Variants in AXDND1 observed in about 807,000 individuals in gnomAD.
AXDND1 encodes axonemal dynein light chain domain-containing protein 1.
In AXDND1, 110 loss-of-function variants were observed where a neutral mutation model predicts 137.5. The ratio of observed to expected loss-of-function variants is 0.80; its 90% CI spans 0.69 to 0.94. The LOEUF is 0.94. Ranked by LOEUF, AXDND1 falls within the 40% of genes least tolerant of loss-of-function variation. AXDND1 has a pLI of 0.00. For missense variants in AXDND1, 1,191 were observed against 1,169.8 expected, an observed-to-expected ratio of 1.02 and a Z score of -0.26; for synonymous variants, 414 against 399.7, an observed-to-expected ratio of 1.04 and a Z score of -0.43.
chr1:179,444,235 A>G (rs979928830), intron 15 of AXDND1, among the ~76,000 whole-genome samples: 5 of 152,080 alleles, frequency 3.3e-5, no homozygotes, highest in African/African-American at 1.2e-4. Flanking sequence ...TGGCTGCCCT[A>G]TGATGCAAGT....
At chr1:179,509,197 A>G (rs1668796512) in intron 20 of AXDND1, 99 bp from the exon 21 acceptor site, 1 of 709,106 alleles carries the variant, frequency 1.4e-6, no homozygotes. Context: ...TTAATTGAAT[A>G]TAGTTATGTT....
rs969736736 is a variant in AXDND1 at position 179,430,608 on chromosome 1, T to C, written c.1487+2T>C. 1 of 1,605,282 alleles carries C rather than the reference T, an allele frequency of 6.2e-7. No homozygotes were observed. The highest frequency in any genetic ancestry group is 8.5e-7 in the Non-Finnish European group (1 of 1,177,532). On this transcript the variant is annotated splice_donor_variant, in intron 14 of 25. Coordinates refer to ENST00000367618, the MANE Select transcript of AXDND1 (RefSeq NM_144696.6). LOFTEE classifies it high-confidence loss of function. ...TATCAAATGGCAGGAGTTCTTCAAG[T>C]GAGTCACCAAGAATCTTGTTTTTCT...
intron 25 of AXDND1, chr1:179,544,946 G>A (rs1285227688): frequency 1.3e-5 from 2 of 152,168 alleles, no homozygotes; most frequent in African/African-American, 4.8e-5. Flanking sequence ...AATAGTGAAG[G>A]GCCACCAGGC....
intron 20 of AXDND1, among the ~76,000 whole-genome samples, chr1:179,502,561 C>CAAAA (rs1269918038): frequency 2.1e-5 from 1 of 46,972 alleles, no homozygotes; most frequent in African/African-American, 9.4e-5. Context: ...AAAACTCTGT[C>CAAAA]TAAAAAAAAA....
At chr1:179,479,634 G>A (rs555956857) in intron 17 of AXDND1, among the ~76,000 whole-genome samples, 1 of 152,068 alleles carries the variant, frequency 6.6e-6, no homozygotes, top group South Asian at 2.1e-4. Flanking sequence ...AAAATTAGCT[G>A]GGCATGGTGG....
intron 11 of AXDND1, among the ~76,000 whole-genome samples, chr1:179,408,207 T>C (rs981537623): frequency 7.6e-4 from 116 of 152,166 alleles, no homozygotes; most frequent in Non-Finnish European, 2.9e-5. Context: ...GTGTGTCTTG[T>C]ATCTCACTGG....
intron 18 of AXDND1, among the ~76,000 whole-genome samples, chr1:179,483,697 G>T (rs1665697664): frequency 6.6e-6 from 1 of 152,138 alleles, no homozygotes; most frequent in Admixed American, 6.5e-5. Flanking sequence ...TGCTCAATTT[G>T]TTATTTTCTA....
In AXDND1 at chr1:179,519,610, A is replaced by G. The variant is rs1012726756; in HGVS notation, c.2497-5724A>G. Among the ~76,000 whole-genome samples, 3 of 152,282 alleles carry G rather than the reference A, an allele frequency of 2.0e-5. No homozygotes were observed. The East Asian group carries it at 5.8e-4, about 29-fold the overall frequency. ...CAGTTTCAGTTTTCTCCATATGGCTATCCAGTTATCCCAGCACCATTTACT... is the reference window on the plus strand; with the variant it reads ...CAGTTTCAGTTTTCTCCATATGGCTGTCCAGTTATCCCAGCACCATTTACT... On this transcript the variant is annotated intron_variant, in intron 21 of 25. Transcript: ENST00000367618.
intron 11 of AXDND1, among the ~76,000 whole-genome samples, chr1:179,405,274 G>A (rs1034086711): frequency 2.0e-5 from 3 of 152,148 alleles, no homozygotes; most frequent in African/African-American, 7.2e-5. Context: ...TGGCTGCATA[G>A]TATTCCATGG....
intron 19 of AXDND1, among the ~76,000 whole-genome samples, chr1:179,492,418 C>A (rs1342112986): frequency 7.0e-6 from 1 of 143,394 alleles, no homozygotes; most frequent in African/African-American, 2.6e-5. Flanking sequence ...CCAACCAAAA[C>A]TTCTTTTTAC....
chr1:179,479,759 G>A (rs933101122), intron 17 of AXDND1, among the ~76,000 whole-genome samples: 5 of 151,624 alleles, frequency 3.3e-5, no homozygotes, highest in African/African-American at 9.7e-5. Flanking sequence ...CCTGGGCGAC[G>A]GAGTGAGACT....
intron 25 of AXDND1, among the ~76,000 whole-genome samples, chr1:179,537,298 C>T (rs1400260262): frequency 6.6e-6 from 1 of 151,954 alleles, no homozygotes; most frequent in Non-Finnish European, 1.5e-5. Context: ...GGGAATGCTT[C>T]CAGTTTTTGC....
Position 179,491,684 on chromosome 1 carries a change from A to G in AXDND1, c.2238A>G (p.Leu746=), listed in dbSNP as rs1300349321. 3.7e-6 allele frequency: 6 copies of G among 1,607,296 alleles called. No homozygotes were observed. In the South Asian group the frequency reaches 5.6e-5, roughly 15 times the overall value. Residue 746 remains leucine (L), a synonymous_variant, in exon 19 of 26, where the codon CTA becomes CTG. Transcript: ENST00000367618. ...KHDIGVARLE[L]DAIELTRKLY... ...ATATAGGAGTTGCGCGATTGGAGCT[A>G]GATGCGATTGAACTGACAAGGAAGT...
chr1:179,397,012 G>T (rs1435324862), intron 11 of AXDND1, among the ~76,000 whole-genome samples: 1 of 152,248 alleles, frequency 6.6e-6, no homozygotes, highest in Admixed American at 6.5e-5. Context: ...GATATATATA[G>T]ATTTGATCCT....
chr1:179,485,937 G>A (rs1017886427), intron 18 of AXDND1, among the ~76,000 whole-genome samples: 3 of 151,910 alleles, frequency 2.0e-5, no homozygotes, highest in Non-Finnish European at 4.4e-5. Flanking sequence ...GGCCAACATA[G>A]TGAAACCCCA....
chr1:179,409,000 A>C (rs1391217024), intron 11 of AXDND1, among the ~76,000 whole-genome samples: 1 of 133,220 alleles, frequency 7.5e-6, no homozygotes, highest in African/African-American at 3.0e-5. Flanking sequence ...GCCAAAAATG[A>C]CATTGGTATT....
chr1:179,430,752 T>A (rs1408110193), intron 14 of AXDND1, 146 bp downstream of exon 14: 8 of 819,408 alleles, frequency 9.8e-6, no homozygotes, highest in Non-Finnish European at 1.5e-5. Context: ...ACAATCCTGC[T>A]AACAACCTTG....
chr1:179,432,436 T>G, intron 15 of AXDND1, 94 bp downstream of exon 15: 1 of 1,406,560 alleles, frequency 7.1e-7, no homozygotes, highest in Non-Finnish European at 9.3e-7. Flanking sequence ...ATCCTTTTTT[T>G]TTTTTGGGAC....
intron 16 of AXDND1, chr1:179,455,713 T>G (rs1191006655): frequency 6.4e-6 from 1 of 155,378 alleles, no homozygotes; most frequent in African/African-American, 2.4e-5. Context: ...TGGGAATAAC[T>G]AAGGACTAAG....
Sources: gnomAD v4.1 joint callset for allele counts (sites outside exome capture counted in the v4.1 genomes callset) on GRCh38, gnomAD v4.1.1 for gene constraint, MANE v1.5 for transcripts, NCBI Gene and HGNC (gene_info 2026-07-23, HGNC 2026-07-21) for gene names.